Variants in ZEB2 observed in about 807,000 individuals in gnomAD.
ZEB2 encodes the protein zinc finger E-box-binding homeobox 2.
ZEB2 carries 6 observed loss-of-function variants against 99.9 expected under a neutral mutation model. The ratio of observed to expected loss-of-function variants is 0.06; its 90% CI spans 0.03 to 0.12. The LOEUF (loss-of-function observed/expected upper bound fraction) is 0.12, where lower values mean the gene tolerates loss of function less well. Ranked by LOEUF, ZEB2 falls within the 10% of genes least tolerant of loss-of-function variation. The pLI is 1.00. For synonymous variants in ZEB2, 517 were observed against 542.5 expected, an observed-to-expected ratio of 0.95 and a Z score of 0.65; for missense variants, 969 against 1,502.8, an observed-to-expected ratio of 0.64 and a Z score of 5.87.
At chr2:144,511,299 A>G (rs78588471) in intron 2 of ZEB2, 25,948 of 837,922 alleles carry the variant, frequency 0.031, 492 homozygotes, top group South Asian at 0.051. Flanking sequence ...AGATACACGC[A>G]TGGATGGCTT....
intron 2 of ZEB2, among the ~76,000 whole-genome samples, chr2:144,460,290 A>G (rs899381856): frequency 1.1e-4 from 16 of 152,144 alleles, no homozygotes; most frequent in African/African-American, 3.9e-4. Context: ...TCAACGGCTA[A>G]GGTATACAAT....
chr2:144,400,985 T>C (rs533113002), intron 7 of ZEB2, among the ~76,000 whole-genome samples: 2 of 152,348 alleles, frequency 1.3e-5, no homozygotes, highest in South Asian at 4.1e-4. Context: ...ATTTGTAATT[T>C]TTAAGACATG....
In ZEB2 at chr2:144,477,058, C is replaced by T. The variant is rs1164453616; in HGVS notation, c.73+40220G>A. On this transcript the variant is annotated intron_variant, in intron 2 of 9. Coordinates refer to ENST00000627532, the MANE Select transcript of ZEB2 (RefSeq NM_014795.4). The stretch of plus-strand genomic sequence containing the variant: ...GTCTGGTAGATGTATGAAACCTGTT[C>T]ACTCTCCTATTGATGTTTTACTGGC... Among the ~76,000 whole-genome samples the T allele has an allele frequency of 3.3e-5, 5 of 152,190 alleles. No individual in the cohort carries two copies. The South Asian group carries it at 1.0e-3, about 32-fold the overall frequency.
rs181174996 is a variant in ZEB2 at position 144,402,285 on chromosome 2, T to C, written c.808-978A>G. On this transcript the variant is annotated intron_variant, in intron 6 of 9. Transcript: ENST00000627532. Reference sequence around the variant, plus strand: ...CTAGCAGCAATGACACAAAAGCCTTTTGCAAAAAGACAGCACAGAAACGGT... The same window carrying C: ...CTAGCAGCAATGACACAAAAGCCTTCTGCAAAAAGACAGCACAGAAACGGT... Among the ~76,000 whole-genome samples the C allele has an allele frequency of 1.9e-3, 291 of 152,266 alleles. 1 individual carries two copies. Among genetic ancestry groups the C allele is most frequent in the Middle Eastern group, 0.014 (4 of 294 alleles).
At chr2:144,512,560 C>A in intron 2 of ZEB2, 1 of 1,287,154 alleles carries the variant, frequency 7.8e-7, no homozygotes, top group Non-Finnish European at 1.0e-6. Context: ...TTGGTTTTAC[C>A]CTATTTGAAA....
intron 2 of ZEB2, among the ~76,000 whole-genome samples, chr2:144,458,812 A>C (rs898323185): frequency 7.2e-5 from 11 of 152,218 alleles, no homozygotes; most frequent in Non-Finnish European, 1.3e-4. Flanking sequence ...TAAATAATTT[A>C]AACATCCAGG....
chr2:144,401,155 TTAAG>T (rs757910666), intron 7 of ZEB2, 40 bp downstream of exon 7: 257 of 1,552,764 alleles, frequency 1.7e-4, no homozygotes, highest in Middle Eastern at 6.7e-4. Flanking sequence ...ACTCCCCTAA[TTAAG>T]TAAAATGCAA....
chr2:144,513,878 A>T (rs1705087638), intron 2 of ZEB2: 22 of 1,520,844 alleles, frequency 1.4e-5, no homozygotes, highest in Non-Finnish European at 1.9e-5. Flanking sequence ...CGTCAGTGAA[A>T]GTGTTACAAA....
Position 144,513,061 on chromosome 2 carries a change from G to A in ZEB2, c.73+4217C>T, listed in dbSNP as rs140907404. 6.2e-6 allele frequency: 8 copies of A among 1,287,156 alleles called. No individual in the cohort carries two copies. The Admixed American group carries it at 1.4e-4, about 22-fold the overall frequency. The allele number at this position is 1,287,156 out of a possible 1,614,324, so 79.7% of individuals were successfully genotyped here. ...CCTTGTCTAAGTGTGTATGACTCTC[G>A]TTGCCCCATCCCAACTTCACCTCTC... On this transcript the variant is annotated intron_variant, in intron 2 of 9. Transcript: ENST00000627532.
chr2:144,467,883 G>A (rs1356531185), intron 2 of ZEB2, among the ~76,000 whole-genome samples: 2 of 152,136 alleles, frequency 1.3e-5, no homozygotes, highest in Non-Finnish European at 2.9e-5. Flanking sequence ...TGCTGATTGA[G>A]TACTTAGCAG....
At chr2:144,488,070 T>A (rs1248496227) in intron 2 of ZEB2, among the ~76,000 whole-genome samples, 1 of 152,098 alleles carries the variant, frequency 6.6e-6, no homozygotes, top group Admixed American at 6.6e-5. Context: ...CAGGGGAGCT[T>A]TGGAGGAGAG....
intron 2 of ZEB2, among the ~76,000 whole-genome samples, chr2:144,443,973 T>G (rs924584343): frequency 1.3e-5 from 2 of 152,164 alleles, no homozygotes; most frequent in African/African-American, 4.8e-5. Context: ...ACAAAATGCT[T>G]GAGAGATCAT....
chr2:144,412,469 C>T (rs1292753394), intron 4 of ZEB2, among the ~76,000 whole-genome samples: 1 of 152,156 alleles, frequency 6.6e-6, no homozygotes, highest in African/African-American at 2.4e-5. Flanking sequence ...CACGTGAAAC[C>T]TAAGAATGCT....
At chr2:144,422,974 T>C (rs796198728) in intron 4 of ZEB2, among the ~76,000 whole-genome samples, 2 of 152,342 alleles carry the variant, frequency 1.3e-5, no homozygotes, top group African/African-American at 4.8e-5. Context: ...TCCTGACCCA[T>C]CTTCTACCAC....
chr2:144,483,117 G>GACACACACAC (rs70985858), intron 2 of ZEB2, among the ~76,000 whole-genome samples: 1,848 of 130,716 alleles, frequency 0.014, 29 homozygotes, highest in South Asian at 0.039. Context: ...GTTTAGGTAA[G>GACACACACAC]ACACACACAC....
intron 4 of ZEB2, among the ~76,000 whole-genome samples, chr2:144,412,835 G>A (rs147459838): frequency 2.9e-4 from 44 of 152,212 alleles, no homozygotes; most frequent in Middle Eastern, 3.4e-3. Flanking sequence ...ACATCCCATC[G>A]TAATCTTTCT....
intron 2 of ZEB2, among the ~76,000 whole-genome samples, chr2:144,501,953 C>A (rs192180515): frequency 6.6e-6 from 1 of 152,312 alleles, no homozygotes; most frequent in Non-Finnish European, 1.5e-5. Flanking sequence ...CTTATTCTTT[C>A]CTAGCCACCC....
chr2:144,477,089 G>A (rs1704440363), intron 2 of ZEB2, among the ~76,000 whole-genome samples: 1 of 152,140 alleles, frequency 6.6e-6, no homozygotes, highest in Non-Finnish European at 1.5e-5. Flanking sequence ...CTGGCAATAA[G>A]AGCTGAGGCC....
At chr2:144,440,505 ATATATATATATTTTTTTTTTTT>A (rs1190016382) in intron 2 of ZEB2, among the ~76,000 whole-genome samples, 42 of 15,632 alleles carry the variant, frequency 2.7e-3, no homozygotes, top group Non-Finnish European at 4.6e-3. Flanking sequence ...ATATATATAT[ATATATATATATTTTTTTTTTTT>A]TTTTTTTTTT....
Sources: gnomAD v4.1 joint callset for allele counts (sites outside exome capture counted in the v4.1 genomes callset) on GRCh38, gnomAD v4.1.1 for gene constraint, MANE v1.5 for transcripts, NCBI Gene and HGNC (gene_info 2026-07-23, HGNC 2026-07-21) for gene names.